ARHGEF2: variants seen among roughly 807,000 people sequenced by gnomAD.
The protein encoded by ARHGEF2 is rho guanine nucleotide exchange factor 2.
Under a neutral mutation model 121.0 loss-of-function variants are expected in ARHGEF2, and 22 were observed. The observed-to-expected ratio is 0.18, with a 90% CI of 0.13 to 0.26. ARHGEF2 has a LOEUF of 0.26. Ranked by LOEUF, ARHGEF2 falls within the 10% of genes least tolerant of loss-of-function variation. The pLI is 1.00. For missense variants in ARHGEF2, 907 were observed against 1,336.0 expected, an observed-to-expected ratio of 0.68 and a Z score of 5.01; for synonymous variants, 487 against 530.0, an observed-to-expected ratio of 0.92 and a Z score of 1.11.
chr1:155,969,281 A>T lies in ARHGEF2; in HGVS notation c.83T>A (p.Met28Lys). Reference sequence around the variant, plus strand: ...ATAGCGGGCATCCTTGGCTTCCTTCATCTTCTCCTTTTCCCGGGTCTGTGG... The same window carrying T: ...ATAGCGGGCATCCTTGGCTTCCTTCTTCTTCTCCTTTTCCCGGGTCTGTGG... ...LASKTREKEK[M>K]KEAKDARYTN... is the part of the protein sequence containing the mutation. Residue 28 changes from methionine (M) to lysine (K), a missense_variant, in exon 2 of 22, where the codon ATG becomes AAG. Met to Lys is a moderately conservative substitution (Grantham distance 95). Transcript: ENST00000361247. 1 of 1,613,998 alleles carries T rather than the reference A, an allele frequency of 6.2e-7. No homozygotes were observed. The highest frequency in any genetic ancestry group is 2.2e-5 in the East Asian group (1 of 44,898).
chr1:155,970,626 G>C (rs1680269520), intron 1 of ARHGEF2: 1 of 985,410 alleles, frequency 1.0e-6, no homozygotes, highest in African/African-American at 1.7e-5. Flanking sequence ...ACTCAGCCCG[G>C]ACTCTAGGAG....
chr1:155,977,978 G>C (rs1681614531), intron 1 of ARHGEF2: 2 of 657,016 alleles, frequency 3.0e-6, no homozygotes, highest in Non-Finnish European at 3.8e-6. Flanking sequence ...AGCCCAAGCC[G>C]GTGGGGCCCG....
chr1:155,953,135 C>T (rs552140503), intron 14 of ARHGEF2, among the ~76,000 whole-genome samples: 2 of 151,068 alleles, frequency 1.3e-5, no homozygotes, highest in Non-Finnish European at 3.0e-5. Context: ...TGTGGTGGCA[C>T]GCGCCTGTAG....
chr1:155,967,734 A>C lies in ARHGEF2; in HGVS notation c.209-847T>G, dbSNP rs114330844. On this transcript the variant is annotated intron_variant, in intron 2 of 21. Transcript: ENST00000361247. Reference sequence around the variant, plus strand: ...CCACCTTGCCATGGGGTAGGAGAGAAGAAGAAAGGAGGATTCGCTGAGCCT... The same window carrying C: ...CCACCTTGCCATGGGGTAGGAGAGACGAAGAAAGGAGGATTCGCTGAGCCT... 3.5e-3 allele frequency among the ~76,000 whole-genome samples: 530 copies of C among 152,242 alleles called. 3 individuals are homozygous for C. Among genetic ancestry groups the C allele is most frequent in the African/African-American group, 0.012 (507 of 41,526 alleles).
chr1:155,978,115 T>C lies in ARHGEF2; in HGVS notation c.63+250A>G. 8.1e-7 allele frequency: 1 copy of C among 1,233,584 alleles called. No individual in the cohort carries two copies. The allele number at this position is 1,233,584 out of a possible 1,614,324, so 76.4% of individuals were successfully genotyped here. A position where few individuals can be genotyped will look rare whatever the true frequency, so the allele number is the denominator to read the frequency against. On this transcript the variant is annotated intron_variant, in intron 1 of 21. Transcript: ENST00000361247. This position sits in a 1 kb window ranked among gnomAD's most constrained non-coding sequence, Gnocchi z 4.1. The stretch of plus-strand genomic sequence containing the variant: ...CCTAAAGCACTCGGTCCCGCCGGCT[T>C]GGAGGCGACCAAGCCCAGGTCCGCT...
Position 155,962,417 on chromosome 1 carries a change from A to T in ARHGEF2, c.1101+176T>A. ...AGGAGCAAAAAGTACTTGGGAAACTACCACAACGTGCTCTAGCATTCTGAG... is the reference window on the plus strand; with the variant it reads ...AGGAGCAAAAAGTACTTGGGAAACTTCCACAACGTGCTCTAGCATTCTGAG... On this transcript the variant is annotated intron_variant, in intron 9 of 21. Transcript: ENST00000361247. This position sits in a 1 kb window ranked among gnomAD's most constrained non-coding sequence, Gnocchi z 5.8. 1.8e-6 allele frequency: 2 copies of T among 1,093,014 alleles called. No homozygotes were observed. The highest frequency in any genetic ancestry group is 1.6e-5 in the African/African-American group (1 of 63,836). The allele number at this position is 1,093,014 out of a possible 1,614,324, so 67.7% of individuals were successfully genotyped here. A position where few individuals can be genotyped will look rare whatever the true frequency, so the allele number is the denominator to read the frequency against.
In ARHGEF2 at chr1:155,965,372, G is replaced by A; in HGVS notation, c.511C>T (p.Leu171Phe). ...TTGAGGGAGTCTGTGGACTGTGAGAGGATCCGGCGCAGCCCCAGGGGAGAC... is the reference window on the plus strand; with the variant it reads ...TTGAGGGAGTCTGTGGACTGTGAGAAGATCCGGCGCAGCCCCAGGGGAGAC... ...DESPLGLRRI[L>F]SQSTDSLNMR... The change falls in exon 6 of 22, where the codon CTC becomes TTC. Residue 171 changes from leucine to phenylalanine, a missense_variant. Transcript: ENST00000361247. The surrounding 1 kb of genome is among the most constrained non-coding windows in gnomAD (Gnocchi z 6.0). 6.2e-6 allele frequency: 10 copies of A among 1,614,202 alleles called. No homozygotes were observed. Among genetic ancestry groups the A allele is most frequent in the African/African-American group, 1.3e-5 (1 of 75,042 alleles).
At chr1:155,968,411 G>C (rs1326400790) in intron 2 of ARHGEF2, 1 of 152,170 alleles carries the variant, frequency 6.6e-6, no homozygotes, top group Non-Finnish European at 1.5e-5. Context: ...GCTCTAATCA[G>C]AGGCATCTCT....
chr1:155,969,634 C>A, intron 1 of ARHGEF2: 1 of 1,154,942 alleles, frequency 8.7e-7, no homozygotes, highest in Non-Finnish European at 1.1e-6. Context: ...CTGCTCACCC[C>A]CGAGCTGCTG....
Position 155,951,910 on chromosome 1 carries a change from A to C in ARHGEF2, c.2172+9T>G. The C allele has an allele frequency of 6.2e-7, 1 of 1,613,990 alleles. No individual in the cohort carries two copies. The highest frequency in any genetic ancestry group is 8.5e-7 in the Non-Finnish European group (1 of 1,179,996). The stretch of plus-strand genomic sequence containing the variant: ...TCTTGCCAAGTCCCAGAACCTCTTG[A>C]GGACCTACCCTCTGGCTAGAGTCTG... On this transcript the variant is annotated intron_variant, in intron 17 of 21. Transcript: ENST00000361247. The surrounding 1 kb of genome is among the most constrained non-coding windows in gnomAD (Gnocchi z 5.1).
intron 7 of ARHGEF2, among the ~76,000 whole-genome samples, chr1:155,963,624 A>G (rs539139500): frequency 3.3e-5 from 5 of 150,850 alleles, no homozygotes; most frequent in African/African-American, 1.2e-4. Flanking sequence ...GATTACAGGC[A>G]TGAGCCACCA....
In ARHGEF2 at chr1:155,962,731, C is replaced by T. The variant is rs754625946; in HGVS notation, c.976-13G>A. 5.0e-6 allele frequency: 8 copies of T among 1,613,800 alleles called. No homozygotes were observed. In the Admixed American group the frequency reaches 5.0e-5, roughly 10 times the overall value. ...TAGGACCTGAGAACTAGAAGTTGGT[C>T]GAGTAAGGTTAGGTCAGCATTCCCC... On this transcript the variant is annotated splice_polypyrimidine_tract_variant and intron_variant, in intron 8 of 21. Coordinates refer to ENST00000361247, the MANE Select transcript of ARHGEF2 (RefSeq NM_001162383.2). This position sits in a 1 kb window ranked among gnomAD's most constrained non-coding sequence, Gnocchi z 5.8.
At position 155,962,261 on chromosome 1, in the gene ARHGEF2, G is replaced by C; in HGVS notation, c.1102-39C>G. ...GGCAGGGCTCAGGGCCAGAGGGGAGGGCAACAGAAAGGCCTGGGGCCTGAG... is the reference window on the plus strand; with the variant it reads ...GGCAGGGCTCAGGGCCAGAGGGGAGCGCAACAGAAAGGCCTGGGGCCTGAG... On this transcript the variant is annotated intron_variant, in intron 9 of 21. Coordinates refer to ENST00000361247, the MANE Select transcript of ARHGEF2 (RefSeq NM_001162383.2). The surrounding 1 kb of genome is among the most constrained non-coding windows in gnomAD (Gnocchi z 5.8). 8 of 1,593,090 alleles carry C rather than the reference G, an allele frequency of 5.0e-6. No homozygotes were observed. The highest frequency in any genetic ancestry group is 6.0e-6 in the Non-Finnish European group (7 of 1,162,768).
rs151138617 is a variant in ARHGEF2 at position 155,952,695 on chromosome 1, G to A, written c.1917C>T (p.Gly639=). 6.2e-7 allele frequency: 1 copy of A among 1,614,098 alleles called. No homozygotes were observed. Among genetic ancestry groups the A allele is most frequent in the East Asian group, 2.2e-5 (1 of 44,892 alleles). Residue 639 remains glycine (G), a synonymous_variant, in exon 15 of 22, where the codon GGC becomes GGT. Coordinates refer to ENST00000361247, the MANE Select transcript of ARHGEF2 (RefSeq NM_001162383.2). ...SGMALPTLPR[G]LFRSESLESP... ...ACTCAAGGGACTCAGAGCGGAAAAG[G>A]CCCCTGGGCAGGGTGGGCAGGGCCA...
In ARHGEF2 at chr1:155,963,080, GACCAC is replaced by G; in HGVS notation, c.823_827del (p.Val275ProfsTer12). On this transcript the variant is annotated frameshift_variant, in exon 8 of 22. Transcript: ENST00000361247. LOFTEE classifies it high-confidence loss of function. ...CGTCCACGCAGGGGAACAGGCCCTG[GACCAC>G]TCCTGGCTCCAAGTGTAGCTCTTCC... The G allele has an allele frequency of 6.2e-7, 1 of 1,614,112 alleles. No homozygotes were observed. Among genetic ancestry groups the G allele is most frequent in the Non-Finnish European group, 8.5e-7 (1 of 1,180,032 alleles).
Position 155,962,338 on chromosome 1 carries a change from A to G in ARHGEF2, c.1102-116T>C, listed in dbSNP as rs1217065153. On this transcript the variant is annotated intron_variant, in intron 9 of 21. Coordinates refer to ENST00000361247, the MANE Select transcript of ARHGEF2 (RefSeq NM_001162383.2). This position sits in a 1 kb window ranked among gnomAD's most constrained non-coding sequence, Gnocchi z 5.8. The stretch of plus-strand genomic sequence containing the variant: ...TTTACCTCATGCTTGCCTAGGTGAC[A>G]TATCTGGAAAATGGGGATAACAACG... 2.6e-6 allele frequency: 3 copies of G among 1,148,492 alleles called. No homozygotes were observed. The highest frequency in any genetic ancestry group is 3.7e-6 in the Non-Finnish European group (3 of 801,648). 71.1% of individuals were successfully genotyped at this position (1,148,492 alleles called of 1,614,324 possible). A position where few individuals can be genotyped will look rare whatever the true frequency, so the allele number is the denominator to read the frequency against.
In ARHGEF2 at chr1:155,965,214, C is replaced by G; in HGVS notation, c.581-83G>C. ...GGCCCTTCTCTAGATCCCTTCCCTC[C>G]TTGTCCTTCCAGGCTACTCCCACCA... is the stretch of plus-strand genomic sequence containing the variant. On this transcript the variant is annotated intron_variant, in intron 6 of 21. Transcript: ENST00000361247. This position sits in a 1 kb window ranked among gnomAD's most constrained non-coding sequence, Gnocchi z 6.0. 6.2e-7 allele frequency: 1 copy of G among 1,607,884 alleles called. No homozygotes were observed. Among genetic ancestry groups the G allele is most frequent in the Non-Finnish European group, 8.5e-7 (1 of 1,175,238 alleles).
At position 155,978,133 on chromosome 1, in the gene ARHGEF2, G is replaced by T. The variant is rs1291790523; in HGVS notation, c.63+232C>A. 4.7e-6 allele frequency: 6 copies of T among 1,275,622 alleles called. No homozygotes were observed. In the East Asian group the frequency reaches 1.6e-4, roughly 34 times the overall value. The allele number at this position is 1,275,622 out of a possible 1,614,324, so 79.0% of individuals were successfully genotyped here. A position where few individuals can be genotyped will look rare whatever the true frequency, so the allele number is the denominator to read the frequency against. On this transcript the variant is annotated intron_variant, in intron 1 of 21. Coordinates refer to ENST00000361247, the MANE Select transcript of ARHGEF2 (RefSeq NM_001162383.2). The surrounding 1 kb of genome is among the most constrained non-coding windows in gnomAD (Gnocchi z 4.1). ...GCCGGCTTGGAGGCGACCAAGCCCA[G>T]GTCCGCTCCGCTCCCTCCCGGGATC...
intron 13 of ARHGEF2, among the ~76,000 whole-genome samples, chr1:155,955,407 C>T (rs946107136): frequency 1.9e-4 from 29 of 151,958 alleles, no homozygotes; most frequent in African/African-American, 6.8e-4. Flanking sequence ...CATGAGCCAC[C>T]GCGCCCGGCC....
Sources: allele counts gnomAD v4.1 joint callset (sites outside exome capture counted in the v4.1 genomes callset), GRCh38; gene constraint gnomAD v4.1.1; non-coding constraint Gnocchi (gnomAD v3.1); transcripts MANE v1.5; gene names NCBI Gene and HGNC (gene_info 2026-07-23, HGNC 2026-07-21).